The following CSMD1 variants were observed in gnomAD, a reference collection of about 807,000 sequenced individuals.
CSMD1 encodes the protein CUB and sushi domain-containing protein 1.
CSMD1 carries 213 observed loss-of-function variants against 417.5 expected under a neutral mutation model. That is an observed-to-expected ratio of 0.51 (90% CI 0.46 to 0.57). The LOEUF is 0.57. CSMD1 is among the 20% of genes least tolerant of loss of function. CSMD1 has a pLI of 0.00. For synonymous variants in CSMD1, 2,862 were observed against 1,736.8 expected, an observed-to-expected ratio of 1.65 and a Z score of -16.11; for missense variants, 6,923 against 4,529.7, an observed-to-expected ratio of 1.53 and a Z score of -15.17.
intron 1 of CSMD1, among the ~76,000 whole-genome samples, chr8:4,759,558 C>A (rs560019753): frequency 1.4e-5 from 2 of 146,948 alleles, no homozygotes; most frequent in Middle Eastern, 7.0e-3. Flanking sequence ...AATGCTCTCC[C>A]TTTCCCCGAA....
chr8:3,907,980 A>G (rs569797552), intron 5 of CSMD1, among the ~76,000 whole-genome samples: 1 of 152,264 alleles, frequency 6.6e-6, no homozygotes, highest in Admixed American at 6.5e-5. Context: ...TGCTGGGGCC[A>G]GAAATGTGCT....
At chr8:4,253,221 A>G (rs1803206136) in intron 3 of CSMD1, among the ~76,000 whole-genome samples, 1 of 152,202 alleles carries the variant, frequency 6.6e-6, no homozygotes, top group Non-Finnish European at 1.5e-5. Context: ...CCTAGTTATC[A>G]TTCATGGCCC....
intron 1 of CSMD1, among the ~76,000 whole-genome samples, chr8:4,643,989 T>A (rs967923753): frequency 6.6e-6 from 1 of 152,166 alleles, no homozygotes; most frequent in Non-Finnish European, 1.5e-5. Context: ...GGTTGGGTTT[T>A]ACTCCCAAAC....
At chr8:4,349,331 G>A (rs1288070054) in intron 3 of CSMD1, among the ~76,000 whole-genome samples, 1 of 152,158 alleles carries the variant, frequency 6.6e-6, no homozygotes, top group Admixed American at 6.5e-5. Flanking sequence ...CCACAGAATT[G>A]AGTATAAGAT....
At chr8:3,508,755 A>G (rs572630824) in intron 10 of CSMD1, among the ~76,000 whole-genome samples, 1 of 152,192 alleles carries the variant, frequency 6.6e-6, no homozygotes, top group Non-Finnish European at 1.5e-5. Flanking sequence ...CATTCTATTT[A>G]GACCGAATAG....
At chr8:4,604,838 G>C (rs1207663722) in intron 2 of CSMD1, among the ~76,000 whole-genome samples, 1 of 152,202 alleles carries the variant, frequency 6.6e-6, no homozygotes, top group African/African-American at 2.4e-5. Flanking sequence ...GGATCTGTCA[G>C]TATAGTACTC....
At chr8:4,071,850 T>C (rs183754283) in intron 3 of CSMD1, among the ~76,000 whole-genome samples, 1 of 152,214 alleles carries the variant, frequency 6.6e-6, no homozygotes, top group East Asian at 1.9e-4. Context: ...GCACATCCAC[T>C]CTCATGGAAC....
chr8:3,537,367 G>A (rs1307595521), intron 10 of CSMD1, among the ~76,000 whole-genome samples: 1 of 152,160 alleles, frequency 6.6e-6, no homozygotes, highest in Non-Finnish European at 1.5e-5. Context: ...GTTGTTTAGT[G>A]TACTTTTTTT....
intron 10 of CSMD1, among the ~76,000 whole-genome samples, chr8:3,558,614 C>G (rs111965241): frequency 0.12 from 11,018 of 93,972 alleles, 552 homozygotes; most frequent in East Asian, 0.36. Flanking sequence ...GTCCACTCCT[C>G]CAATGATGAA....
rs553741029 is a variant in CSMD1, at chr8:3,991,329, G to A, written c.818+6574C>T. 7.9e-4 allele frequency among the ~76,000 whole-genome samples: 121 copies of A among 152,278 alleles called. 1 individual carries two copies. The highest frequency in any genetic ancestry group is 2.8e-3 in the African/African-American group (116 of 41,566). ...AGGGTGGAGGTACCTAGGTTGTGGC[G>A]TAGTCTGGGATGGCCAGTTTTCTCC... is the stretch of plus-strand genomic sequence containing the variant. On this transcript the variant is annotated intron_variant, in intron 5 of 69. Transcript: ENST00000635120.
At chr8:4,451,682 A>G (rs1468769108) in intron 2 of CSMD1, among the ~76,000 whole-genome samples, 2 of 152,140 alleles carry the variant, frequency 1.3e-5, no homozygotes, top group Non-Finnish European at 2.9e-5. Context: ...ACTGATGACC[A>G]TGAAATATCA....
At chr8:3,371,177 C>A (rs555405962) in intron 18 of CSMD1, among the ~76,000 whole-genome samples, 1 of 152,150 alleles carries the variant, frequency 6.6e-6, no homozygotes, top group Non-Finnish European at 1.5e-5. Context: ...TTGCAGAAGG[C>A]AGATCTTGGG....
chr8:3,786,536 C>T (rs74783724), intron 5 of CSMD1, among the ~76,000 whole-genome samples: 15,539 of 152,066 alleles, frequency 0.1, 865 homozygotes, highest in Middle Eastern at 0.13. Context: ...TCACAGCTCC[C>T]GAGTAATCAT....
At chr8:4,213,655 C>A (rs1277461362) in intron 3 of CSMD1, among the ~76,000 whole-genome samples, 2 of 152,182 alleles carry the variant, frequency 1.3e-5, no homozygotes, top group African/African-American at 4.8e-5. Flanking sequence ...GATTGTTGCT[C>A]AGCAACTGAG....
intron 2 of CSMD1, among the ~76,000 whole-genome samples, chr8:4,486,014 T>A (rs1801359731): frequency 6.6e-6 from 1 of 151,604 alleles, no homozygotes; most frequent in Admixed American, 6.6e-5. Context: ...GTAATAGCAA[T>A]TATTTTTTTC....
chr8:3,819,520 C>T (rs1801595979), intron 5 of CSMD1, among the ~76,000 whole-genome samples: 2 of 141,062 alleles, frequency 1.4e-5, no homozygotes, highest in African/African-American at 2.7e-5. Context: ...AGCTCAAAAG[C>T]GAAGGTGATT....
intron 25 of CSMD1, among the ~76,000 whole-genome samples, chr8:3,289,217 A>C (rs1179829632): frequency 7.5e-5 from 11 of 147,360 alleles, no homozygotes; most frequent in Non-Finnish European, 1.5e-4. Context: ...TTCTTAATCC[A>C]GTCTATCGTT....
At chr8:4,987,801 G>T (rs1226427279) in intron 1 of CSMD1, among the ~76,000 whole-genome samples, 1 of 152,194 alleles carries the variant, frequency 6.6e-6, no homozygotes, top group African/African-American at 2.4e-5. Flanking sequence ...AAGCCCACAT[G>T]CTGAGTCTTC....
intron 1 of CSMD1, among the ~76,000 whole-genome samples, chr8:4,967,109 C>G (rs1056843446): frequency 1.3e-5 from 2 of 151,844 alleles, no homozygotes; most frequent in African/African-American, 4.8e-5. Flanking sequence ...ATAAATTTGT[C>G]TTAAAAAAAA....
Sources: allele counts gnomAD v4.1 joint callset (sites outside exome capture counted in the v4.1 genomes callset), GRCh38; gene constraint gnomAD v4.1.1; transcripts MANE v1.5; gene names NCBI Gene and HGNC (gene_info 2026-07-23, HGNC 2026-07-21).